CADM1: variants seen among roughly 807,000 people sequenced by gnomAD.
CADM1 encodes cell adhesion molecule 1, also known as TSLC-1.
In CADM1, 15 loss-of-function variants were observed where a neutral mutation model predicts 53.1. The observed-to-expected ratio is 0.28, with a 90% CI of 0.19 to 0.44. CADM1 has a LOEUF of 0.44. Among genes scored for constraint, CADM1 ranks in the 20% least tolerant of loss-of-function variants. CADM1 has a pLI of 1.00. For missense variants in CADM1, 434 were observed against 611.3 expected (o/e 0.71, Z 3.06); for synonymous variants, 281 against 243.0 (o/e 1.16, Z -1.45).
intron 6 of CADM1, 59 bp downstream of exon 6, chr11:115,217,833 T>C (rs1046123299): frequency 2.4e-5 from 25 of 1,032,548 alleles, no homozygotes; most frequent in Admixed American, 2.2e-4. Context: ...AATGCACATG[T>C]CTGTGTTGTG....
rs183687908 is a variant in CADM1 at position 115,179,083 on chromosome 11, C to T, written c.1166-308G>A. ...CCCTGACCTAGTCTTAGCGTTCACT[C>T]TGTCTGTATCCAGTTGCAGAGCCTA... On this transcript the variant is annotated intron_variant, in intron 10 of 11. Coordinates refer to ENST00000331581, the MANE Select transcript of CADM1 (RefSeq NM_001301043.2). The T allele has an allele frequency of 2.5e-5, 10 of 393,964 alleles. No individual in the cohort carries two copies. The Admixed American group carries it at 3.6e-4, about 14-fold the overall frequency. The allele number at this position is 393,964 out of a possible 1,614,324, so 24.4% of individuals were successfully genotyped here. A position where few individuals can be genotyped will look rare whatever the true frequency, so the allele number is the denominator to read the frequency against.
intron 5 of CADM1, among the ~76,000 whole-genome samples, chr11:115,227,307 A>G (rs1321758940): frequency 6.6e-6 from 1 of 152,178 alleles, no homozygotes; most frequent in African/African-American, 2.4e-5. Flanking sequence ...GCTTATAAGG[A>G]TCATTATCAA....
At chr11:115,473,830 T>C (rs1949068421) in intron 1 of CADM1, among the ~76,000 whole-genome samples, 2 of 151,978 alleles carry the variant, frequency 1.3e-5, no homozygotes, top group African/African-American at 4.8e-5. Flanking sequence ...AAATATAAAA[T>C]TAATAAACTG....
chr11:115,257,129 C>G (rs1264105613), intron 1 of CADM1, among the ~76,000 whole-genome samples: 1 of 152,102 alleles, frequency 6.6e-6, no homozygotes, highest in Non-Finnish European at 1.5e-5. Flanking sequence ...ATCAACACTT[C>G]CAACTTTATA....
intron 1 of CADM1, chr11:115,445,982 G>T (rs773397702): frequency 4.6e-6 from 1 of 218,236 alleles, no homozygotes; most frequent in South Asian, 5.4e-5. Flanking sequence ...ACTTTATAAA[G>T]ATTCAACTTG....
chr11:115,402,221 T>A (rs774396107), intron 1 of CADM1, among the ~76,000 whole-genome samples: 3 of 152,052 alleles, frequency 2.0e-5, no homozygotes, highest in Non-Finnish European at 4.4e-5. Flanking sequence ...TTATAATGCC[T>A]AACATATAAA....
intron 8 of CADM1, 80 bp from the exon 9 acceptor site, chr11:115,198,518 A>G (rs1940271220): frequency 9.6e-7 from 1 of 1,043,756 alleles, no homozygotes; most frequent in South Asian, 1.3e-5. Flanking sequence ...TGGAAAAAAA[A>G]TGGAACAGAT....
At position 115,312,604 on chromosome 11, in the gene CADM1, T is replaced by C. The variant is rs937881870; in HGVS notation, c.125-72184A>G. Among the ~76,000 whole-genome samples, 6 of 152,174 alleles carry C rather than the reference T, an allele frequency of 3.9e-5. No individual in the cohort carries two copies. The East Asian group carries it at 9.6e-4, about 24-fold the overall frequency. On this transcript the variant is annotated intron_variant, in intron 1 of 11. Transcript: ENST00000331581. The stretch of plus-strand genomic sequence containing the variant: ...ATTTAAAATAAAATTACATTCTACA[T>C]AAAACAAAGAGCTTAGAACACACTT...
chr11:115,178,566 T>A (rs113212009), intron 11 of CADM1, 78 bp downstream of exon 11: 3 of 1,413,934 alleles, frequency 2.1e-6, no homozygotes, highest in African/African-American at 2.8e-5. Context: ...AAATTGCCTA[T>A]CAAGGACAAC....
chr11:115,171,293 C>T lies in CADM1; in HGVS notation c.*5181G>A, dbSNP rs1304128980. 1 of 152,196 alleles carries T rather than the reference C, an allele frequency of 6.6e-6. No individual in the cohort carries two copies. Among genetic ancestry groups the T allele is most frequent in the African/African-American group, 2.4e-5 (1 of 41,448 alleles). 9.4% of individuals were successfully genotyped at this position (152,196 alleles called of 1,614,324 possible). ...AAAAATACCTTCACTTAAGCAGGGTCTTTCTACCTGTAACACAGTGGCCAC... is the reference window on the plus strand; with the variant it reads ...AAAAATACCTTCACTTAAGCAGGGTTTTTCTACCTGTAACACAGTGGCCAC... On this transcript the variant is annotated 3_prime_UTR_variant, in exon 12 of 12. Coordinates refer to ENST00000331581, the MANE Select transcript of CADM1 (RefSeq NM_001301043.2).
rs1938948771 is a variant in CADM1, at chr11:115,174,840, T to C, written c.*1634A>G. 1 of 985,028 alleles carries C rather than the reference T, an allele frequency of 1.0e-6. No homozygotes were observed. Among genetic ancestry groups the C allele is most frequent in the Admixed American group, 6.2e-5 (1 of 16,250 alleles). 61.0% of individuals were successfully genotyped at this position (985,028 alleles called of 1,614,324 possible). A position where few individuals can be genotyped will look rare whatever the true frequency, so the allele number is the denominator to read the frequency against. ...AGTCTTACCAAACATATGGTAAGAGTTTAGTTTCTGTCCTTCAGGACTACT... is the reference window on the plus strand; with the variant it reads ...AGTCTTACCAAACATATGGTAAGAGCTTAGTTTCTGTCCTTCAGGACTACT... On this transcript the variant is annotated 3_prime_UTR_variant, in exon 12 of 12. Coordinates refer to ENST00000331581, the MANE Select transcript of CADM1 (RefSeq NM_001301043.2).
intron 1 of CADM1, among the ~76,000 whole-genome samples, chr11:115,301,465 TAAA>T (rs1283058527): frequency 6.6e-6 from 1 of 151,904 alleles, no homozygotes; most frequent in Non-Finnish European, 1.5e-5. Flanking sequence ...AACAAACAAA[TAAA>T]AAATAACCCT....
At chr11:115,256,866 A>G in intron 1 of CADM1, 1 of 456,038 alleles carries the variant, frequency 2.2e-6, no homozygotes, top group Non-Finnish European at 4.4e-6. Context: ...TTGCAATGGG[A>G]GCAGATCTCT....
intron 1 of CADM1, among the ~76,000 whole-genome samples, chr11:115,309,234 G>C (rs1346318260): frequency 6.6e-6 from 1 of 151,978 alleles, no homozygotes; most frequent in East Asian, 1.9e-4. Flanking sequence ...ATGTTCTTAA[G>C]GTTAAAGAAA....
intron 1 of CADM1, among the ~76,000 whole-genome samples, chr11:115,319,979 C>A (rs1026326873): frequency 3.3e-5 from 5 of 152,014 alleles, no homozygotes; most frequent in African/African-American, 4.8e-5. Context: ...AACAGAGCTA[C>A]AAAAAAATCG....
chr11:115,290,471 C>T (rs561531330), intron 1 of CADM1, among the ~76,000 whole-genome samples: 1 of 152,224 alleles, frequency 6.6e-6, no homozygotes, highest in Non-Finnish European at 1.5e-5. Context: ...TTTTAAACCT[C>T]ATTTGTGATT....
intron 1 of CADM1, among the ~76,000 whole-genome samples, chr11:115,428,233 A>T (rs1305235966): frequency 6.6e-6 from 1 of 152,114 alleles, no homozygotes; most frequent in African/African-American, 2.4e-5. Context: ...ATATCTAGAC[A>T]TTTCTGGGTT....
At chr11:115,421,611 T>C (rs939266350) in intron 1 of CADM1, among the ~76,000 whole-genome samples, 2 of 152,158 alleles carry the variant, frequency 1.3e-5, no homozygotes, top group Admixed American at 6.6e-5. Flanking sequence ...TGGGCAAACA[T>C]TGGCACAGGA....
chr11:115,303,107 G>A (rs1365232403), intron 1 of CADM1, among the ~76,000 whole-genome samples: 1 of 152,022 alleles, frequency 6.6e-6, no homozygotes. Flanking sequence ...AATCTCCCAG[G>A]TTCAGATGGG....
Sources: allele counts gnomAD v4.1 joint callset (sites outside exome capture counted in the v4.1 genomes callset), GRCh38; gene constraint gnomAD v4.1.1; transcripts MANE v1.5; gene names NCBI Gene and HGNC (gene_info 2026-07-23, HGNC 2026-07-21).